INTS15: variants seen among roughly 807,000 people sequenced by gnomAD.
INTS15 encodes integrator complex subunit 15.
At chr7:6,591,802 C>G in the INTS15 span, 2 of 1,614,132 alleles carry the variant, frequency 1.2e-6, no homozygotes, top group Non-Finnish European at 1.7e-6. Flanking sequence ...GTTGGGAAAA[C>G]TGGTCTCCAT....
At chr7:6,590,496 G>T in the INTS15 span, 2 of 1,541,050 alleles carry the variant, frequency 1.3e-6, no homozygotes, top group Non-Finnish European at 8.7e-7. Context: ...AGACGGTCGG[G>T]TTCCCGGGCC....
At chr7:6,602,302 GA>G in the INTS15 span, 1 of 585,806 alleles carries the variant, frequency 1.7e-6, no homozygotes. Flanking sequence ...AACTCAAGTA[GA>G]AAGTAAACCT....
the INTS15 span, among the ~76,000 whole-genome samples, chr7:6,601,085 A>G: frequency 6.6e-6 from 1 of 152,010 alleles, no homozygotes; most frequent in Non-Finnish European, 1.5e-5. Flanking sequence ...CTCCTCCCTC[A>G]GCCACAGAGT....
the INTS15 span, among the ~76,000 whole-genome samples, chr7:6,592,346 C>T: frequency 6.6e-6 from 1 of 152,012 alleles, no homozygotes; most frequent in Non-Finnish European, 1.5e-5. Flanking sequence ...GGGGGCAGAT[C>T]ACTTGAGGTC....
the INTS15 span, among the ~76,000 whole-genome samples, chr7:6,590,844 C>T: frequency 1.4e-5 from 2 of 146,554 alleles, no homozygotes; most frequent in Non-Finnish European, 3.0e-5. Flanking sequence ...CTTTCTCTGC[C>T]TTTTTTTTTT....
chr7:6,596,333 C>G, the INTS15 span, among the ~76,000 whole-genome samples: 2 of 148,992 alleles, frequency 1.3e-5, no homozygotes, highest in South Asian at 4.3e-4. Context: ...GGATTACAGG[C>G]GTGAGCCACT....
chr7:6,608,437 A>G, the INTS15 span: 4 of 1,321,236 alleles, frequency 3.0e-6, no homozygotes, highest in South Asian at 1.6e-5. Context: ...TTCTCTGCGC[A>G]TTTCAGACAC....
At chr7:6,604,708 T>G in the INTS15 span, among the ~76,000 whole-genome samples, 1 of 151,952 alleles carries the variant, frequency 6.6e-6, no homozygotes, top group African/African-American at 2.4e-5. Flanking sequence ...ATAACTCGAG[T>G]CCAGGGTTCA....
chr7:6,602,035 C>A, the INTS15 span: 1 of 1,393,410 alleles, frequency 7.2e-7, no homozygotes, highest in Non-Finnish European at 1.0e-6. Context: ...TTGCAAAGAA[C>A]GTCAGTGTGT....
chr7:6,605,213 T>C, the INTS15 span, among the ~76,000 whole-genome samples: 5,131 of 152,242 alleles, frequency 0.034, 105 homozygotes, highest in Middle Eastern at 0.051. Context: ...GGTCTCGAAC[T>C]CCTGACCTCA....
At chr7:6,608,348 A>T in the INTS15 span, 1 of 1,424,894 alleles carries the variant, frequency 7.0e-7, no homozygotes, top group African/African-American at 1.5e-5. Flanking sequence ...TGCAGATTGG[A>T]TGGTGGAGGG....
chr7:6,601,010 C>G, the INTS15 span, among the ~76,000 whole-genome samples: 1 of 152,120 alleles, frequency 6.6e-6, no homozygotes, highest in Non-Finnish European at 1.5e-5. Flanking sequence ...CTCTGTTGCC[C>G]AAGCTGGAGT....
the INTS15 span, chr7:6,600,389 C>T: frequency 5.8e-5 from 91 of 1,581,844 alleles, no homozygotes; most frequent in African/African-American, 1.1e-3. Flanking sequence ...CCTCCTGGTG[C>T]GGGGACACCG....
At chr7:6,594,666 GA>G in the INTS15 span, 1 of 1,469,642 alleles carries the variant, frequency 6.8e-7, no homozygotes, top group South Asian at 1.2e-5. Flanking sequence ...ATTTTCCACT[GA>G]ATACCCAGGT....
At chr7:6,604,844 G>T in the INTS15 span, among the ~76,000 whole-genome samples, 1 of 152,186 alleles carries the variant, frequency 6.6e-6, no homozygotes, top group Non-Finnish European at 1.5e-5. Flanking sequence ...GTCTGGATGG[G>T]TACAAAGCCT....
the INTS15 span, chr7:6,608,004 A>C: frequency 1.9e-6 from 3 of 1,599,824 alleles, no homozygotes; most frequent in South Asian, 3.3e-5. Context: ...CAGTCGCCTC[A>C]CGCCGCGCTC....
At chr7:6,591,574 T>A in the INTS15 span, 1 of 1,404,022 alleles carries the variant, frequency 7.1e-7, no homozygotes. Context: ...TATTTCCTGT[T>A]TTCTTAATGT....
At chr7:6,598,532 G>A in the INTS15 span, among the ~76,000 whole-genome samples, 1 of 150,890 alleles carries the variant, frequency 6.6e-6, no homozygotes, top group Non-Finnish European at 1.5e-5. Flanking sequence ...TCGTCTCACT[G>A]CAGTAGGTGG....
chr7:6,597,568 T>G, the INTS15 span, among the ~76,000 whole-genome samples: 1 of 152,232 alleles, frequency 6.6e-6, no homozygotes, highest in East Asian at 1.9e-4. Flanking sequence ...GTGCTGGGAT[T>G]ACAGGCATGA....
Sources: gnomAD v4.1 joint callset for allele counts (sites outside exome capture counted in the v4.1 genomes callset) on GRCh38, gnomAD v4.1.1 for gene constraint, MANE v1.5 for transcripts, NCBI Gene and HGNC (gene_info 2026-07-23, HGNC 2026-07-21) for gene names.